NOS1AP: variants seen among roughly 807,000 people sequenced by gnomAD.
NOS1AP encodes the protein carboxyl-terminal PDZ ligand of neuronal nitric oxide synthase protein.
A neutral mutation model predicts 56.2 loss-of-function variants in NOS1AP; 21 were observed. The observed-to-expected ratio is 0.37, with a 90% confidence interval of 0.26 to 0.54. The LOEUF is 0.54. Ranked by LOEUF, NOS1AP falls within the 20% of genes least tolerant of loss-of-function variation. The pLI, the probability that NOS1AP is intolerant of heterozygous loss-of-function variation, is 0.84. For missense variants in NOS1AP, 522 were observed against 657.8 expected, an observed-to-expected ratio of 0.79 and a Z score of 2.26; for synonymous variants, 270 against 274.6, an observed-to-expected ratio of 0.98 and a Z score of 0.17.
At chr1:162,258,735 T>TA (rs1483585185) in intron 2 of NOS1AP, among the ~76,000 whole-genome samples, 1 of 152,204 alleles carries the variant, frequency 6.6e-6, no homozygotes, top group African/African-American at 2.4e-5. Context: ...CTGCTTCCTA[T>TA]ATGTGAGCTC....
intron 2 of NOS1AP, among the ~76,000 whole-genome samples, chr1:162,190,334 T>C (rs1001073962): frequency 2.1e-5 from 3 of 145,838 alleles, no homozygotes; most frequent in African/African-American, 8.0e-5. Flanking sequence ...AAGATTTCTT[T>C]CTTCTCTGAA....
chr1:162,086,595 G>A (rs191460002), intron 1 of NOS1AP, among the ~76,000 whole-genome samples: 2 of 152,182 alleles, frequency 1.3e-5, no homozygotes, highest in Admixed American at 1.3e-4. Context: ...TGACAGTCTG[G>A]GTACACTGCT....
chr1:162,307,634 T>G (rs1273195598), intron 4 of NOS1AP, among the ~76,000 whole-genome samples: 1 of 151,938 alleles, frequency 6.6e-6, no homozygotes, highest in Non-Finnish European at 1.5e-5. Flanking sequence ...AAACCCAGCC[T>G]CTACTAAAAA....
intron 5 of NOS1AP, among the ~76,000 whole-genome samples, chr1:162,340,379 G>A (rs1657071994): frequency 6.6e-6 from 1 of 152,200 alleles, no homozygotes; most frequent in South Asian, 2.1e-4. Context: ...CTGCTATGGT[G>A]GAGGCTATGC....
rs191639166 is a variant in NOS1AP at position 162,143,263 on chromosome 1, G to C, written c.106-11142G>C. 1.9e-4 allele frequency among the ~76,000 whole-genome samples: 29 copies of C among 152,148 alleles called. No individual in the cohort carries two copies. The East Asian group carries it at 5.0e-3, about 26-fold the overall frequency. On this transcript the variant is annotated intron_variant, in intron 1 of 9. Transcript: ENST00000361897. ...GTCTTCACTCCTCTTTGATTCTGTT[G>C]AGACTAATTTCTTGATTCTGCCCTT... is the stretch of plus-strand genomic sequence containing the variant.
At chr1:162,143,238 G>A (rs978106667) in intron 1 of NOS1AP, among the ~76,000 whole-genome samples, 4 of 152,116 alleles carry the variant, frequency 2.6e-5, no homozygotes, top group East Asian at 1.9e-4. Flanking sequence ...CACCACTTCC[G>A]TCTTCACTCC....
intron 1 of NOS1AP, among the ~76,000 whole-genome samples, chr1:162,124,633 T>C (rs114589702): frequency 0.026 from 3,985 of 152,158 alleles, 160 homozygotes; most frequent in African/African-American, 0.09. Context: ...AGCGATTTCC[T>C]GCCCCAGCCT....
At chr1:162,357,895 A>G (rs1657753728) in intron 8 of NOS1AP, among the ~76,000 whole-genome samples, 1 of 148,698 alleles carries the variant, frequency 6.7e-6, no homozygotes, top group African/African-American at 2.4e-5. Context: ...TTTCTTGGGA[A>G]GTCTGAGCTC....
At chr1:162,149,117 C>T (rs1649599611) in intron 1 of NOS1AP, among the ~76,000 whole-genome samples, 1 of 152,174 alleles carries the variant, frequency 6.6e-6, no homozygotes, top group Non-Finnish European at 1.5e-5. Flanking sequence ...CAACCCAGCT[C>T]CATTGCCCTA....
At chr1:162,238,540 A>G (rs929327198) in intron 2 of NOS1AP, among the ~76,000 whole-genome samples, 3 of 152,190 alleles carry the variant, frequency 2.0e-5, no homozygotes, top group African/African-American at 7.2e-5. Context: ...GGCTGAATGC[A>G]TACCAAGAGC....
At chr1:162,184,387 G>T (rs570965211) in intron 2 of NOS1AP, among the ~76,000 whole-genome samples, 2 of 152,312 alleles carry the variant, frequency 1.3e-5, no homozygotes, top group South Asian at 4.1e-4. Context: ...TATGAGGTGA[G>T]CACATGCTGT....
intron 2 of NOS1AP, among the ~76,000 whole-genome samples, chr1:162,270,922 AG>A (rs1374987754): frequency 2.0e-5 from 3 of 152,282 alleles, no homozygotes; most frequent in Admixed American, 2.0e-4. Flanking sequence ...CACTGAACCC[AG>A]GGCTCTGAAG....
chr1:162,086,905 A>G (rs1692015228), intron 1 of NOS1AP, among the ~76,000 whole-genome samples: 1 of 152,156 alleles, frequency 6.6e-6, no homozygotes, highest in Non-Finnish European at 1.5e-5. Flanking sequence ...TAGGATGCAT[A>G]CAACAACTCC....
In NOS1AP at chr1:162,149,709, G is replaced by A. The variant is rs773321521; in HGVS notation, c.106-4696G>A. On this transcript the variant is annotated intron_variant, in intron 1 of 9. Coordinates refer to ENST00000361897, the MANE Select transcript of NOS1AP (RefSeq NM_014697.3). ...AGACCTGAATCCTGCTTTGTGTATC[G>A]TTTTAATCTCTCTGGATGACCCTAA... Among the ~76,000 whole-genome samples, 13 of 152,160 alleles carry A rather than the reference G, an allele frequency of 8.5e-5. 1 individual carries two copies. Among genetic ancestry groups the A allele is most frequent in the Non-Finnish European group, 1.6e-4 (11 of 68,028 alleles).
chr1:162,220,718 C>T (rs1039486224), intron 2 of NOS1AP, among the ~76,000 whole-genome samples: 1 of 152,114 alleles, frequency 6.6e-6, no homozygotes, highest in Non-Finnish European at 1.5e-5. Flanking sequence ...ATCAAGCAAA[C>T]CTTTACTTTC....
intron 2 of NOS1AP, among the ~76,000 whole-genome samples, chr1:162,191,212 G>A (rs4657165): frequency 0.035 from 5,376 of 152,230 alleles, 137 homozygotes; most frequent in Non-Finnish European, 0.049. Context: ...CATACCACGG[G>A]CACTGTCCAC....
At chr1:162,098,079 A>G (rs1210846472) in intron 1 of NOS1AP, among the ~76,000 whole-genome samples, 1 of 137,856 alleles carries the variant, frequency 7.3e-6, no homozygotes, top group Non-Finnish European at 1.6e-5. Flanking sequence ...GCTTTTATTT[A>G]TAATAGTTTC....
In NOS1AP at chr1:162,337,495, AG is replaced by A. The variant is rs1320780064; in HGVS notation, c.453+4372del. Among the ~76,000 whole-genome samples, 12 of 152,280 alleles carry A rather than the reference AG, an allele frequency of 7.9e-5. No individual in the cohort carries two copies. The East Asian group carries it at 2.3e-3, about 29-fold the overall frequency. ...GGAAAGAGTCTGTTTTTTATACTTT[AG>A]GTTGAGTTGGGAAGTCAAAATGCAG... On this transcript the variant is annotated intron_variant, in intron 5 of 9. Coordinates refer to ENST00000361897, the MANE Select transcript of NOS1AP (RefSeq NM_014697.3).
intron 4 of NOS1AP, among the ~76,000 whole-genome samples, chr1:162,318,320 T>C (rs531225145): frequency 2.0e-5 from 3 of 152,326 alleles, no homozygotes; most frequent in African/African-American, 7.2e-5. Flanking sequence ...AAAACTCCCA[T>C]TCACTTTTCA....
Sources: gnomAD v4.1 joint callset for allele counts (sites outside exome capture counted in the v4.1 genomes callset) on GRCh38, gnomAD v4.1.1 for gene constraint, MANE v1.5 for transcripts, NCBI Gene and HGNC (gene_info 2026-07-23, HGNC 2026-07-21) for gene names.